Variants in DOK6 observed in about 807,000 individuals in gnomAD.
DOK6 encodes the protein downstream of tyrosine kinase 6.
A neutral mutation model predicts 44.0 loss-of-function variants in DOK6; 22 were observed. That is an observed-to-expected ratio of 0.50 (90% confidence interval 0.36 to 0.71). DOK6 has a LOEUF of 0.71. Ranked by LOEUF, DOK6 falls within the 30% of genes least tolerant of loss-of-function variation. The pLI, the probability that DOK6 is intolerant of heterozygous loss-of-function variation, is 0.00. For synonymous variants in DOK6, 166 were observed against 145.5 expected (o/e 1.14, Z -1.01); for missense variants, 340 against 416.4 (o/e 0.82, Z 1.60).
At chr18:69,810,747 A>G (rs1981198505) in intron 7 of DOK6, among the ~76,000 whole-genome samples, 1 of 152,096 alleles carries the variant, frequency 6.6e-6, no homozygotes, top group East Asian at 1.9e-4. Flanking sequence ...AAAAACAAAT[A>G]AAAGCCTCAA....
intron 1 of DOK6, among the ~76,000 whole-genome samples, chr18:69,415,077 T>C (rs1230825311): frequency 6.6e-6 from 1 of 152,100 alleles, no homozygotes; most frequent in Non-Finnish European, 1.5e-5. Context: ...AGTAAAATAA[T>C]ACTTTACAAG....
chr18:69,476,644 C>G (rs979865646), intron 1 of DOK6, among the ~76,000 whole-genome samples: 1 of 152,150 alleles, frequency 6.6e-6, no homozygotes, highest in African/African-American at 2.4e-5. Context: ...GGATTGGTGA[C>G]CCTCATTGGA....
intron 2 of DOK6, among the ~76,000 whole-genome samples, chr18:69,580,850 A>G (rs1983352777): frequency 6.6e-6 from 1 of 152,104 alleles, no homozygotes; most frequent in South Asian, 2.1e-4. Flanking sequence ...AACCCTTCCC[A>G]GCCTCTAATA....
chr18:69,827,667 C>T (rs1246570196), intron 7 of DOK6, among the ~76,000 whole-genome samples: 2 of 151,956 alleles, frequency 1.3e-5, no homozygotes, highest in Admixed American at 6.6e-5. Context: ...TAAAATTGTG[C>T]TACATTATAT....
chr18:69,683,899 C>T (rs542725844), intron 4 of DOK6, among the ~76,000 whole-genome samples: 1 of 152,320 alleles, frequency 6.6e-6, no homozygotes, highest in South Asian at 2.1e-4. Flanking sequence ...CTCACGTGAC[C>T]TAGGTGCCTC....
At chr18:69,666,920 A>G (rs1164637496) in intron 3 of DOK6, among the ~76,000 whole-genome samples, 1 of 152,144 alleles carries the variant, frequency 6.6e-6, no homozygotes, top group Non-Finnish European at 1.5e-5. Context: ...CGTTTTAAGG[A>G]AATAAGTCTG....
At chr18:69,678,119 C>T (rs1181323811) in intron 4 of DOK6, among the ~76,000 whole-genome samples, 7 of 151,980 alleles carry the variant, frequency 4.6e-5, no homozygotes, top group South Asian at 2.1e-4. Context: ...TGTGGTGGCC[C>T]GCACCTGTAG....
chr18:69,567,765 G>A (rs955160679), intron 2 of DOK6, among the ~76,000 whole-genome samples: 2 of 152,338 alleles, frequency 1.3e-5, no homozygotes, highest in African/African-American at 4.8e-5. Context: ...AGGGGAGTGA[G>A]TGGTTGGGGG....
rs534071015 is a variant in DOK6, at chr18:69,480,649, G to T, written c.66+79339G>T. ...CACAAGGATATTGTGTAATCCCTCT[G>T]CGTTCTGCTTTTTGAAGGCGTCTTG... is the stretch of plus-strand genomic sequence containing the variant. On this transcript the variant is annotated intron_variant, in intron 1 of 7. Coordinates refer to ENST00000382713, the MANE Select transcript of DOK6 (RefSeq NM_152721.6). 2.0e-5 allele frequency among the ~76,000 whole-genome samples: 3 copies of T among 152,166 alleles called. No individual in the cohort carries two copies. The East Asian group carries it at 5.8e-4, about 29-fold the overall frequency.
intron 2 of DOK6, among the ~76,000 whole-genome samples, chr18:69,583,277 A>G (rs4381690): frequency 0.9 from 136,488 of 152,230 alleles, 62,064 homozygotes; most frequent in East Asian, 0.98. Context: ...GTTTTAACAC[A>G]CATTTGTAAT....
chr18:69,748,028 T>A (rs956272101), intron 6 of DOK6, among the ~76,000 whole-genome samples: 2 of 151,126 alleles, frequency 1.3e-5, no homozygotes, highest in African/African-American at 4.9e-5. Flanking sequence ...ACACATAGAC[T>A]CAAAATAAAA....
chr18:69,778,075 GAA>G (rs2144773040), intron 7 of DOK6: 1 of 152,170 alleles, frequency 6.6e-6, no homozygotes, highest in Admixed American at 6.5e-5. Flanking sequence ...AACTGTAGCT[GAA>G]AAGAGACTAT....
chr18:69,571,352 A>G (rs1178994504), intron 2 of DOK6, among the ~76,000 whole-genome samples: 1 of 152,064 alleles, frequency 6.6e-6, no homozygotes, highest in Non-Finnish European at 1.5e-5. Context: ...AAAATATGAA[A>G]AATGTAAACA....
At chr18:69,692,324 C>T (rs1439155060) in intron 4 of DOK6, among the ~76,000 whole-genome samples, 1 of 152,220 alleles carries the variant, frequency 6.6e-6, no homozygotes, top group African/African-American at 2.4e-5. Flanking sequence ...ACACTAATCT[C>T]TGCCTGAGAT....
At chr18:69,511,598 G>T (rs938178456) in intron 1 of DOK6, among the ~76,000 whole-genome samples, 1 of 152,148 alleles carries the variant, frequency 6.6e-6, no homozygotes, top group Admixed American at 6.5e-5. Context: ...ACAGGAGATA[G>T]TAGCAATAAA....
chr18:69,790,800 T>C (rs1479117763), intron 7 of DOK6, among the ~76,000 whole-genome samples: 1 of 152,120 alleles, frequency 6.6e-6, no homozygotes, highest in Non-Finnish European at 1.5e-5. Context: ...CCAAATATAC[T>C]CTTCTAGTTA....
At chr18:69,592,513 T>A (rs1343156574) in intron 2 of DOK6, among the ~76,000 whole-genome samples, 1 of 152,148 alleles carries the variant, frequency 6.6e-6, no homozygotes, top group African/African-American at 2.4e-5. Flanking sequence ...AAATAACATC[T>A]GTTAGCAGTG....
At chr18:69,552,170 T>C (rs940422556) in intron 1 of DOK6, among the ~76,000 whole-genome samples, 2 of 152,198 alleles carry the variant, frequency 1.3e-5, no homozygotes, top group African/African-American at 4.8e-5. Context: ...CATTGTCTTG[T>C]GGACAAATAA....
At chr18:69,764,197 C>T (rs1392732610) in intron 7 of DOK6, among the ~76,000 whole-genome samples, 2 of 152,142 alleles carry the variant, frequency 1.3e-5, no homozygotes, top group African/African-American at 4.8e-5. Context: ...ACACCTGCTG[C>T]CTTCTCTCCG....
Sources: gnomAD v4.1 joint callset for allele counts (sites outside exome capture counted in the v4.1 genomes callset) on GRCh38, gnomAD v4.1.1 for gene constraint, MANE v1.5 for transcripts, NCBI Gene and HGNC (gene_info 2026-07-23, HGNC 2026-07-21) for gene names.